MYRIP: variants seen among roughly 807,000 people sequenced by gnomAD.
MYRIP encodes the protein rab effector MyRIP.
A neutral mutation model predicts 98.0 loss-of-function variants in MYRIP; 49 were observed. That is an observed-to-expected ratio of 0.50 (90% CI 0.40 to 0.63). The LOEUF (loss-of-function observed/expected upper bound fraction) is 0.63. MYRIP is among the 30% of genes least tolerant of loss of function. The probability of loss-of-function intolerance (pLI) is 0.00; values close to 1 mark genes in which losing one functional copy is unlikely to be tolerated. For synonymous variants in MYRIP, 404 were observed against 409.5 expected (o/e 0.99, Z 0.16); for missense variants, 1,004 against 1,058.2 (o/e 0.95, Z 0.71).
intron 2 of MYRIP, among the ~76,000 whole-genome samples, chr3:40,021,478 G>A (rs1310128609): frequency 2.0e-5 from 3 of 152,240 alleles, no homozygotes; most frequent in Non-Finnish European, 4.4e-5. Context: ...GATCTGAGCT[G>A]TAGAGATCCT....
At chr3:39,811,152 C>A (rs1444524087) in intron 1 of MYRIP, among the ~76,000 whole-genome samples, 1 of 152,152 alleles carries the variant, frequency 6.6e-6, no homozygotes, top group Non-Finnish European at 1.5e-5. Context: ...CACCTAGCCT[C>A]TCTTGCCATT....
rs567815878 is a variant in MYRIP at position 40,194,512 on chromosome 3, T to G, written c.1665+4049T>G. Among the ~76,000 whole-genome samples the G allele has an allele frequency of 5.9e-5, 9 of 152,230 alleles. No individual in the cohort carries two copies. The East Asian group carries it at 1.5e-3, about 26-fold the overall frequency. On this transcript the variant is annotated intron_variant, in intron 10 of 16. Transcript: ENST00000302541. Reference sequence around the variant, plus strand: ...ATGGTCTTCTCTTCACTGTTGTGGATTTTTAGAAAATGATGATATCATTTT... The same window carrying G: ...ATGGTCTTCTCTTCACTGTTGTGGAGTTTTAGAAAATGATGATATCATTTT...
At chr3:39,989,847 C>T (rs924243498) in intron 2 of MYRIP, among the ~76,000 whole-genome samples, 3 of 152,198 alleles carry the variant, frequency 2.0e-5, no homozygotes, top group Non-Finnish European at 2.9e-5. Flanking sequence ...CCAAGCTGTC[C>T]AGCCTCCCCA....
At chr3:40,107,582 G>C in intron 3 of MYRIP, among the ~76,000 whole-genome samples, 1 of 152,140 alleles carries the variant, frequency 6.6e-6, no homozygotes, top group East Asian at 1.9e-4. Context: ...GGCTGAAAGA[G>C]GGAAGCAGAG....
chr3:39,906,000 G>A (rs1434984957), intron 2 of MYRIP, among the ~76,000 whole-genome samples: 2 of 152,108 alleles, frequency 1.3e-5, no homozygotes, highest in Non-Finnish European at 2.9e-5. Flanking sequence ...ATCCTGGGGA[G>A]CGTGCAGAGG....
chr3:40,022,769 G>A lies in MYRIP; in HGVS notation c.111-21281G>A, dbSNP rs567562875. On this transcript the variant is annotated intron_variant, in intron 2 of 16. Coordinates refer to ENST00000302541, the MANE Select transcript of MYRIP (RefSeq NM_015460.4). ...GAAGTAAAAGAGAGGGAAAAGTAGA[G>A]AATGACTCTTAGGATTCCAGAGGGA... is the stretch of plus-strand genomic sequence containing the variant. Among the ~76,000 whole-genome samples, 3 of 152,266 alleles carry A rather than the reference G, an allele frequency of 2.0e-5. No individual in the cohort carries two copies. In the South Asian group the frequency reaches 6.2e-4, roughly 32 times the overall value.
intron 1 of MYRIP, among the ~76,000 whole-genome samples, chr3:39,829,281 G>A (rs1290530124): frequency 1.3e-5 from 2 of 152,156 alleles, no homozygotes; most frequent in Non-Finnish European, 2.9e-5. Flanking sequence ...GATGTGTCAT[G>A]TTTTCTTGCA....
At chr3:39,942,171 C>T (rs908286981) in intron 2 of MYRIP, among the ~76,000 whole-genome samples, 4 of 152,070 alleles carry the variant, frequency 2.6e-5, no homozygotes, top group African/African-American at 4.8e-5. Context: ...AGTACCTCTC[C>T]GTGCGTTCAG....
chr3:40,196,591 A>G (rs1402945786), intron 10 of MYRIP, among the ~76,000 whole-genome samples: 1 of 152,034 alleles, frequency 6.6e-6, no homozygotes, highest in Non-Finnish European at 1.5e-5. Context: ...TAATGTTGGG[A>G]ATTTGTTGAG....
chr3:39,932,127 C>A (rs546008520), intron 2 of MYRIP, among the ~76,000 whole-genome samples: 1 of 152,238 alleles, frequency 6.6e-6, no homozygotes, highest in Non-Finnish European at 1.5e-5. Flanking sequence ...CATTAGCCCT[C>A]CACTGAAAGC....
chr3:40,182,977 G>A (rs1454993123), intron 9 of MYRIP, among the ~76,000 whole-genome samples: 3 of 152,176 alleles, frequency 2.0e-5, no homozygotes, highest in Non-Finnish European at 4.4e-5. Context: ...TGGCCTGTGG[G>A]AAGCCTTCAG....
At chr3:40,115,281 A>AT (rs1443795186) in intron 3 of MYRIP, among the ~76,000 whole-genome samples, 1 of 152,172 alleles carries the variant, frequency 6.6e-6, no homozygotes, top group Non-Finnish European at 1.5e-5. Flanking sequence ...ATTAGTTCTC[A>AT]TGCTGCTATG....
At chr3:39,873,019 T>A (rs1221332461) in intron 1 of MYRIP, among the ~76,000 whole-genome samples, 1 of 152,244 alleles carries the variant, frequency 6.6e-6, no homozygotes, top group Non-Finnish European at 1.5e-5. Flanking sequence ...GACTTTTTAA[T>A]GATTGCCATC....
chr3:40,226,801 TAAC>T (rs1952505005), intron 11 of MYRIP, among the ~76,000 whole-genome samples: 1 of 152,236 alleles, frequency 6.6e-6, no homozygotes, highest in East Asian at 1.9e-4. Flanking sequence ...GAGTTACTGT[TAAC>T]AGCAGCAGCA....
chr3:39,983,016 AT>A (rs1945932931), intron 2 of MYRIP, among the ~76,000 whole-genome samples: 1 of 152,256 alleles, frequency 6.6e-6, no homozygotes, highest in Non-Finnish European at 1.5e-5. Flanking sequence ...ACCAAAGATT[AT>A]AATTATTTAA....
intron 1 of MYRIP, among the ~76,000 whole-genome samples, chr3:39,835,357 GGC>G (rs1941586803): frequency 6.6e-6 from 1 of 152,092 alleles, no homozygotes. Flanking sequence ...AATTGCTGGG[GGC>G]GGGGGGTGTG....
chr3:39,988,136 A>T (rs1946079211), intron 2 of MYRIP, among the ~76,000 whole-genome samples: 1 of 152,102 alleles, frequency 6.6e-6, no homozygotes, highest in Admixed American at 6.5e-5. Context: ...CAGGAAGGGG[A>T]ACATCACACT....
intron 8 of MYRIP, among the ~76,000 whole-genome samples, chr3:40,172,433 G>A (rs774866589): frequency 6.6e-6 from 1 of 152,118 alleles, no homozygotes; most frequent in Non-Finnish European, 1.5e-5. Flanking sequence ...GCTCTAAGCG[G>A]GAAGGAACTT....
chr3:40,250,390 A>G (rs1338799797), intron 14 of MYRIP, 49 bp from the exon 15 acceptor site: 6 of 1,613,374 alleles, frequency 3.7e-6, no homozygotes, highest in South Asian at 1.1e-5. Flanking sequence ...AGAAGACAAA[A>G]TATCTTTGGC....
Sources: gnomAD v4.1 joint callset for allele counts (sites outside exome capture counted in the v4.1 genomes callset) on GRCh38, gnomAD v4.1.1 for gene constraint, MANE v1.5 for transcripts, NCBI Gene and HGNC (gene_info 2026-07-23, HGNC 2026-07-21) for gene names.